RHOT1: variants seen among roughly 807,000 people sequenced by gnomAD.
RHOT1 encodes mitochondrial Rho GTPase 1.
In RHOT1, 27 loss-of-function variants were observed where a neutral mutation model predicts 95.3. The ratio of observed to expected loss-of-function variants is 0.28; its 90% CI spans 0.21 to 0.39. The LOEUF is 0.39. Ranked by LOEUF, RHOT1 falls within the 10% of genes least tolerant of loss-of-function variation. The pLI is 1.00. For synonymous variants in RHOT1, 227 were observed against 263.5 expected, an observed-to-expected ratio of 0.86 and a Z score of 1.34; for missense variants, 578 against 786.7, an observed-to-expected ratio of 0.73 and a Z score of 3.17.
intron 11 of RHOT1, among the ~76,000 whole-genome samples, chr17:32,196,422 G>C (rs570426329): frequency 3.3e-5 from 5 of 151,938 alleles, no homozygotes; most frequent in South Asian, 2.1e-4. Context: ...TGTCTTTCAG[G>C]CTCAAGAAAT....
At chr17:32,178,306 C>T (rs1486934368) in intron 6 of RHOT1, among the ~76,000 whole-genome samples, 3 of 151,890 alleles carry the variant, frequency 2.0e-5, no homozygotes, top group Non-Finnish European at 4.4e-5. Flanking sequence ...ATTCTCCTGC[C>T]TCGGCCTACC....
chr17:32,224,676 T>C lies in RHOT1; in HGVS notation c.1923T>C (p.Ala641=). 6.2e-7 allele frequency: 1 copy of C among 1,613,750 alleles called. No homozygotes were observed. The change falls in exon 20 of 20, where the codon GCT becomes GCC. Residue 641 remains alanine, a synonymous_variant. Transcript: ENST00000545287. ...TTTGGCTTCGAGCAAGTTTTGGTGC[T>C]ACTGTTTTTGCAGTTTTGGGCTTTG... is the stretch of plus-strand genomic sequence containing the variant. ...STFWLRASFG[A]TVFAVLGFAM... is the part of the protein sequence containing the mutation.
chr17:32,182,228 A>G (rs2035692666), intron 6 of RHOT1, among the ~76,000 whole-genome samples: 1 of 152,196 alleles, frequency 6.6e-6, no homozygotes, highest in South Asian at 2.1e-4. Context: ...CTGCCCAGGC[A>G]TAGTAGCTCA....
intron 1 of RHOT1, among the ~76,000 whole-genome samples, chr17:32,163,651 A>C (rs967021819): frequency 6.6e-6 from 1 of 151,882 alleles, no homozygotes; most frequent in Non-Finnish European, 1.5e-5. Flanking sequence ...AATCACTATA[A>C]TCTGGGAGGC....
chr17:32,151,248 G>A (rs771891721), intron 1 of RHOT1: 15 of 714,540 alleles, frequency 2.1e-5, no homozygotes, highest in African/African-American at 5.2e-5. Flanking sequence ...TACTGTTGGC[G>A]GGTGAATGAA....
intron 11 of RHOT1, among the ~76,000 whole-genome samples, chr17:32,197,921 G>T (rs2037027113): frequency 6.6e-6 from 1 of 151,900 alleles, no homozygotes; most frequent in African/African-American, 2.4e-5. Flanking sequence ...TTGAGACAGG[G>T]TCTCATTCTG....
intron 1 of RHOT1, among the ~76,000 whole-genome samples, chr17:32,158,037 A>T (rs1598303411): frequency 6.6e-6 from 1 of 152,110 alleles, no homozygotes; most frequent in Admixed American, 6.5e-5. Flanking sequence ...TGTATTTCTT[A>T]TAGAGACAGA....
At chr17:32,197,960 A>G (rs1388171601) in intron 11 of RHOT1, among the ~76,000 whole-genome samples, 1 of 152,194 alleles carries the variant, frequency 6.6e-6, no homozygotes, top group Non-Finnish European at 1.5e-5. Flanking sequence ...AGTGGTGCAA[A>G]CACGGCTCAC....
chr17:32,166,890 A>G (rs181459109), intron 1 of RHOT1, among the ~76,000 whole-genome samples: 1 of 152,084 alleles, frequency 6.6e-6, no homozygotes, highest in Non-Finnish European at 1.5e-5. Context: ...TGTTACTTTG[A>G]TCTCCTGTGA....
At chr17:32,200,544 A>C (rs2142836405) in intron 13 of RHOT1, among the ~76,000 whole-genome samples, 1 of 152,114 alleles carries the variant, frequency 6.6e-6, no homozygotes, top group Non-Finnish European at 1.5e-5. Context: ...GGATCACTTG[A>C]GCTCAGGAGT....
chr17:32,201,259 C>T (rs1012919348), intron 14 of RHOT1, among the ~76,000 whole-genome samples: 1 of 152,162 alleles, frequency 6.6e-6, no homozygotes, highest in Non-Finnish European at 1.5e-5. Flanking sequence ...AGAGACTTTG[C>T]TTCAAGTCTA....
chr17:32,173,613 T>G (rs918907663), intron 2 of RHOT1, among the ~76,000 whole-genome samples: 1 of 151,438 alleles, frequency 6.6e-6, no homozygotes, highest in African/African-American at 2.4e-5. Flanking sequence ...CTCGGGAGGC[T>G]GAGGCAGGAG....
chr17:32,217,680 G>A (rs543776579), intron 19 of RHOT1, among the ~76,000 whole-genome samples: 189 of 150,750 alleles, frequency 1.3e-3, no homozygotes, highest in African/African-American at 4.5e-3. Flanking sequence ...GCTTGAACCC[G>A]GGAGGCGGAG....
chr17:32,143,087 A>C, intron 1 of RHOT1: 1 of 614,932 alleles, frequency 1.6e-6, no homozygotes, highest in Non-Finnish European at 3.1e-6. Flanking sequence ...TGGGCCTCAC[A>C]GTTTCCCAGG....
intron 1 of RHOT1, among the ~76,000 whole-genome samples, chr17:32,161,450 G>A (rs1186087994): frequency 1.3e-5 from 2 of 152,154 alleles, no homozygotes; most frequent in African/African-American, 4.8e-5. Flanking sequence ...CAAATCTCCT[G>A]ACCTCCAGAA....
chr17:32,148,157 C>T (rs1486724023), intron 1 of RHOT1, among the ~76,000 whole-genome samples: 5 of 151,980 alleles, frequency 3.3e-5, no homozygotes, highest in African/African-American at 7.3e-5. Flanking sequence ...CCCAGTTACT[C>T]GGGAGGCCGA....
intron 11 of RHOT1, among the ~76,000 whole-genome samples, chr17:32,196,404 C>T (rs532662929): frequency 5.5e-4 from 83 of 152,196 alleles, no homozygotes; most frequent in African/African-American, 1.9e-3. Flanking sequence ...GTTGCCCAGG[C>T]TGGTTTCTGT....
chr17:32,208,032 T>C, intron 17 of RHOT1, 75 bp from the exon 18 acceptor site: 2 of 1,349,020 alleles, frequency 1.5e-6, no homozygotes, highest in South Asian at 1.2e-5. Flanking sequence ...CTGGAGGAAA[T>C]GCTTGGTTCA....
rs201271634 is a variant in RHOT1 at position 32,193,095 on chromosome 17, C to A, written c.640-41C>A. The A allele has an allele frequency of 7.6e-5, 94 of 1,231,064 alleles. 1 individual carries two copies. In the East Asian group the frequency reaches 7.8e-4, roughly 10 times the overall value. The allele number at this position is 1,231,064 out of a possible 1,614,324, so 76.3% of individuals were successfully genotyped here. ...CATTTTATATTATTTGTGGTTTTAA[C>A]GCTGGTTTGTTTTTAAATATATTTT... On this transcript the variant is annotated intron_variant, in intron 9 of 19. Transcript: ENST00000545287.
Sources: gnomAD v4.1 joint callset for allele counts (sites outside exome capture counted in the v4.1 genomes callset) on GRCh38, gnomAD v4.1.1 for gene constraint, MANE v1.5 for transcripts, NCBI Gene and HGNC (gene_info 2026-07-23, HGNC 2026-07-21) for gene names.